The following KANSL1 variants were observed in gnomAD, a reference collection of about 807,000 sequenced individuals.
KANSL1 encodes KAT8 regulatory NSL complex subunit 1, also known as MLL1/MLL complex subunit KANSL1.
Under a neutral mutation model 103.6 loss-of-function variants are expected in KANSL1, and 22 were observed. The ratio of observed to expected loss-of-function variants is 0.21; its 90% CI spans 0.15 to 0.30. KANSL1 has a LOEUF of 0.30. Ranked by LOEUF, KANSL1 falls within the 10% of genes least tolerant of loss-of-function variation. The pLI, the probability that KANSL1 is intolerant of heterozygous loss-of-function variation, is 1.00. For synonymous variants in KANSL1, 600 were observed against 527.6 expected, an observed-to-expected ratio of 1.14 and a Z score of -1.88; for missense variants, 1,337 against 1,399.8, an observed-to-expected ratio of 0.96 and a Z score of 0.72.
At chr17:46,098,812 C>CT (rs2042186189) in intron 2 of KANSL1, among the ~76,000 whole-genome samples, 1 of 152,204 alleles carries the variant, frequency 6.6e-6, no homozygotes, top group Non-Finnish European at 1.5e-5. Flanking sequence ...CTCATCATCT[C>CT]CAATGAAAAA....
intron 2 of KANSL1, among the ~76,000 whole-genome samples, chr17:46,129,662 G>C (rs2043749760): frequency 6.6e-6 from 1 of 152,184 alleles, no homozygotes; most frequent in Non-Finnish European, 1.5e-5. Context: ...TCTGTTAAAG[G>C]GAAGATTGGA....
chr17:46,161,475 G>A (rs2045741369), intron 2 of KANSL1, among the ~76,000 whole-genome samples: 1 of 151,646 alleles, frequency 6.6e-6, no homozygotes, highest in African/African-American at 2.4e-5. Flanking sequence ...ACCCAAATCA[G>A]TTCGGTCAAA....
intron 2 of KANSL1, among the ~76,000 whole-genome samples, chr17:46,105,934 CACACACACACA>C (rs931713948): frequency 3.6e-5 from 3 of 82,340 alleles, no homozygotes; most frequent in African/African-American, 1.1e-4. Context: ...CACACACACA[CACACACACACA>C]CACCCCCCCA....
intron 1 of KANSL1, among the ~76,000 whole-genome samples, chr17:46,201,790 T>G (rs1484133009): frequency 6.6e-6 from 1 of 151,966 alleles, no homozygotes; most frequent in East Asian, 1.9e-4. Context: ...GTGAATCACT[T>G]GAGCTCTGGA....
chr17:46,154,098 G>T (rs1053277903), intron 2 of KANSL1, among the ~76,000 whole-genome samples: 1 of 152,176 alleles, frequency 6.6e-6, no homozygotes, highest in Admixed American at 6.5e-5. Flanking sequence ...AGGATAAAAC[G>T]ATGTCTAGTT....
At chr17:46,219,957 G>C (rs1318571982) in intron 1 of KANSL1, among the ~76,000 whole-genome samples, 1 of 151,970 alleles carries the variant, frequency 6.6e-6, no homozygotes, top group South Asian at 2.1e-4. Flanking sequence ...CAAAAAATTA[G>C]CCGGGCGTGG....
At chr17:46,220,747 C>T (rs1348941923) in intron 1 of KANSL1, among the ~76,000 whole-genome samples, 3 of 152,184 alleles carry the variant, frequency 2.0e-5, no homozygotes, top group South Asian at 2.1e-4. Flanking sequence ...AGGACAGCGG[C>T]GTGATCTCAG....
chr17:46,119,081 T>A (rs1468240), intron 2 of KANSL1, among the ~76,000 whole-genome samples: 21,695 of 152,106 alleles, frequency 0.14, 2,124 homozygotes, highest in Non-Finnish European at 0.22. Context: ...CTGGATCCTA[T>A]ACATAGCAGC....
At chr17:46,172,685 T>A (rs2046346211) in intron 1 of KANSL1, among the ~76,000 whole-genome samples, 3 of 152,230 alleles carry the variant, frequency 2.0e-5, no homozygotes, top group Non-Finnish European at 4.4e-5. Flanking sequence ...CACAGGTCTG[T>A]GCATTTTTCT....
intron 10 of KANSL1, chr17:46,038,254 G>A (rs963431634): frequency 7.2e-6 from 3 of 417,536 alleles, no homozygotes; most frequent in African/African-American, 6.1e-5. Context: ...ATCTTGAATA[G>A]TCACAGATCA....
intron 6 of KANSL1, among the ~76,000 whole-genome samples, chr17:46,065,200 C>T (rs62060794): frequency 0.14 from 21,537 of 151,220 alleles, 2,108 homozygotes; most frequent in Non-Finnish European, 0.22. Context: ...AACTCCTGAA[C>T]GCAAGTGATC....
chr17:46,183,562 G>GGAGGAGAGAGGAGA (rs369462772), intron 1 of KANSL1, among the ~76,000 whole-genome samples: 7 of 111,774 alleles, frequency 6.3e-5, no homozygotes, highest in African/African-American at 1.6e-4. Flanking sequence ...AGAGGAGAGG[G>GGAGGAGAGAGGAGA]GAGGAGAGAG....
intron 2 of KANSL1, among the ~76,000 whole-genome samples, chr17:46,104,692 A>C (rs1291096482): frequency 6.6e-6 from 1 of 152,236 alleles, no homozygotes; most frequent in African/African-American, 2.4e-5. Context: ...AAGTATTCTA[A>C]TGGAGGAAAA....
intron 7 of KANSL1, among the ~76,000 whole-genome samples, chr17:46,049,090 G>T (rs2077614664): frequency 6.8e-6 from 1 of 146,956 alleles, no homozygotes; most frequent in Non-Finnish European, 1.5e-5. Flanking sequence ...AGAATTCTAA[G>T]AGAAGACTTG....
chr17:46,046,800 G>A lies in KANSL1; in HGVS notation c.2020+3733C>T, dbSNP rs540366344. 4.9e-4 allele frequency among the ~76,000 whole-genome samples: 71 copies of A among 143,546 alleles called. 1 individual carries two copies. The highest frequency in any genetic ancestry group is 1.8e-3 in the African/African-American group (69 of 38,550). 94.2% of individuals were successfully genotyped at this position (143,546 alleles called of 152,430 possible). ...TGCAGTGACCCGAGATTGCACGACT[G>A]CACTCCAGCCTGGGTGACAGAGCAA... On this transcript the variant is annotated intron_variant, in intron 7 of 14. Coordinates refer to ENST00000432791, the MANE Select transcript of KANSL1 (RefSeq NM_015443.4).
At chr17:46,178,518 T>C (rs1353289321) in intron 1 of KANSL1, among the ~76,000 whole-genome samples, 1 of 152,232 alleles carries the variant, frequency 6.6e-6, no homozygotes, top group Non-Finnish European at 1.5e-5. Context: ...CAGATGGAGC[T>C]GCTACACCTG....
chr17:46,056,009 AT>A, intron 6 of KANSL1, among the ~76,000 whole-genome samples: 1 of 152,208 alleles, frequency 6.6e-6, no homozygotes, highest in South Asian at 2.1e-4. Flanking sequence ...ATTTTATTTT[AT>A]TTTTTTGATA....
intron 2 of KANSL1, among the ~76,000 whole-genome samples, chr17:46,165,112 T>C (rs2045929209): frequency 6.6e-6 from 1 of 152,312 alleles, no homozygotes; most frequent in South Asian, 2.1e-4. Flanking sequence ...CTCTCAAATA[T>C]ATACATACAT....
In KANSL1 at chr17:46,135,795, G is replaced by C. The variant is rs903497805; in HGVS notation, c.1289+35060C>G. 2.8e-5 allele frequency among the ~76,000 whole-genome samples: 4 copies of C among 143,814 alleles called. No homozygotes were observed. The South Asian group carries it at 8.7e-4, about 31-fold the overall frequency. 94.3% of individuals were successfully genotyped at this position (143,814 alleles called of 152,430 possible). On this transcript the variant is annotated intron_variant, in intron 2 of 14. Coordinates refer to ENST00000432791, the MANE Select transcript of KANSL1 (RefSeq NM_015443.4). ...GGGCTCAAGCCTCAGCCTCCCAAAA[G>C]TGCTGGATTATAGGTGTGAGCCACT...
Sources: allele counts gnomAD v4.1 joint callset (sites outside exome capture counted in the v4.1 genomes callset), GRCh38; gene constraint gnomAD v4.1.1; transcripts MANE v1.5; gene names NCBI Gene and HGNC (gene_info 2026-07-23, HGNC 2026-07-21).